The following GALNT17 variants were observed in gnomAD, a reference collection of about 807,000 sequenced individuals.
The protein encoded by GALNT17 is polypeptide N-acetylgalactosaminyltransferase 17, also known as UDP-GalNAc:polypeptide N-acetylgalactosaminyltransferase-like 3.
A neutral mutation model predicts 63.7 loss-of-function variants in GALNT17; 29 were observed. The ratio of observed to expected loss-of-function variants is 0.46; its 90% CI spans 0.34 to 0.62. The LOEUF is 0.62. Among genes scored for constraint, GALNT17 ranks in the 20% least tolerant of loss-of-function variants. The probability of loss-of-function intolerance (pLI) is 0.01; values close to 1 mark genes in which losing one functional copy is unlikely to be tolerated. For synonymous variants in GALNT17, 305 were observed against 318.3 expected (o/e 0.96, Z 0.45); for missense variants, 603 against 799.6 (o/e 0.75, Z 2.97).
intron 1 of GALNT17, among the ~76,000 whole-genome samples, chr7:71,181,924 C>G (rs1027868052): frequency 9.2e-5 from 14 of 151,800 alleles, no homozygotes; most frequent in African/African-American, 3.1e-4. Flanking sequence ...GCCTGTAGTC[C>G]CAGCACTTTG....
At chr7:71,366,194 C>G (rs1033156881) in intron 2 of GALNT17, among the ~76,000 whole-genome samples, 1 of 152,120 alleles carries the variant, frequency 6.6e-6, no homozygotes, top group Non-Finnish European at 1.5e-5. Flanking sequence ...TCCTGACGCT[C>G]ACCTCCTGCT....
At chr7:71,380,411 C>T (rs1792823057) in intron 2 of GALNT17, among the ~76,000 whole-genome samples, 1 of 152,102 alleles carries the variant, frequency 6.6e-6, no homozygotes, top group Admixed American at 6.6e-5. Flanking sequence ...TCATGGCCCC[C>T]AGCAGCCTTG....
chr7:71,314,274 C>T (rs745811691), intron 1 of GALNT17, among the ~76,000 whole-genome samples: 7 of 151,544 alleles, frequency 4.6e-5, no homozygotes, highest in African/African-American at 9.7e-5. Flanking sequence ...TGTGTGTGTC[C>T]GTGTCCATGA....
intron 5 of GALNT17, among the ~76,000 whole-genome samples, chr7:71,546,817 C>A (rs949433656): frequency 6.6e-6 from 1 of 152,094 alleles, no homozygotes; most frequent in Non-Finnish European, 1.5e-5. Flanking sequence ...AAATCTCAGA[C>A]CCTGGAAGTC....
chr7:71,154,631 C>T (rs544959564), intron 1 of GALNT17, among the ~76,000 whole-genome samples: 36 of 152,106 alleles, frequency 2.4e-4, no homozygotes, highest in Non-Finnish European at 4.1e-4. Flanking sequence ...GGCTGGAGTG[C>T]GGTGGCACGA....
chr7:71,592,294 C>T (rs141029790), intron 6 of GALNT17, among the ~76,000 whole-genome samples: 212 of 152,060 alleles, frequency 1.4e-3, no homozygotes, highest in African/African-American at 4.8e-3. Context: ...GTCTTTCTGG[C>T]GCCCACACTG....
intron 1 of GALNT17, among the ~76,000 whole-genome samples, chr7:71,304,259 G>A (rs6977328): frequency 0.68 from 103,282 of 152,090 alleles, 35,289 homozygotes; most frequent in Middle Eastern, 0.74. Context: ...CATTTACAAC[G>A]TGCCAGCATA....
intron 1 of GALNT17, among the ~76,000 whole-genome samples, chr7:71,304,446 A>G (rs1289027507): frequency 6.6e-6 from 1 of 152,188 alleles, no homozygotes; most frequent in Non-Finnish European, 1.5e-5. Context: ...GATCTTAAAT[A>G]CATTGTCAAG....
At chr7:71,275,831 C>G (rs562271801) in intron 1 of GALNT17, among the ~76,000 whole-genome samples, 1 of 152,250 alleles carries the variant, frequency 6.6e-6, no homozygotes, top group East Asian at 1.9e-4. Context: ...CTCCCTTCCC[C>G]ACAAGTTGTG....
chr7:71,288,661 T>TAA (rs1191959354), intron 1 of GALNT17, among the ~76,000 whole-genome samples: 4 of 152,136 alleles, frequency 2.6e-5, no homozygotes, highest in African/African-American at 7.2e-5. Context: ...ACCTTGCGTT[T>TAA]AGCTGGGTTC....
At chr7:71,372,631 A>T (rs1426550323) in intron 2 of GALNT17, among the ~76,000 whole-genome samples, 2 of 152,152 alleles carry the variant, frequency 1.3e-5, no homozygotes, top group Non-Finnish European at 2.9e-5. Context: ...TTTTAAAAAA[A>T]TTTTGTAGAG....
chr7:71,240,900 G>C (rs938888751), intron 1 of GALNT17, among the ~76,000 whole-genome samples: 1 of 152,054 alleles, frequency 6.6e-6, no homozygotes, highest in Non-Finnish European at 1.5e-5. Context: ...TCCTGACCTC[G>C]TGATCCGCCT....
chr7:71,712,659 T>G lies in GALNT17; in HGVS notation c.*513T>G, dbSNP rs1235785643. On this transcript the variant is annotated 3_prime_UTR_variant, in exon 11 of 11. Transcript: ENST00000333538. Reference sequence around the variant, plus strand: ...AGGTTACTTCTACCCAGATGACACCTGCCTGTTCACGCCCCAAGGCAGCTA... The same window carrying G: ...AGGTTACTTCTACCCAGATGACACCGGCCTGTTCACGCCCCAAGGCAGCTA... The G allele has an allele frequency of 6.5e-6, 1 of 154,950 alleles. No individual in the cohort carries two copies. The highest frequency in any genetic ancestry group is 2.0e-4 in the South Asian group (1 of 4,950). 9.6% of individuals were successfully genotyped at this position (154,950 alleles called of 1,614,324 possible). A position where few individuals can be genotyped will look rare whatever the true frequency, so the allele number is the denominator to read the frequency against.
rs557472286 is a variant in GALNT17 at position 71,257,308 on chromosome 7, A to G, written c.239-78242A>G. ...AAAAGTAATTAACCATCTGGAACAG[A>G]TTCATGCTTCCTATTAGTCAGGGTG... On this transcript the variant is annotated intron_variant, in intron 1 of 10. Coordinates refer to ENST00000333538, the MANE Select transcript of GALNT17 (RefSeq NM_022479.3). Among the ~76,000 whole-genome samples the G allele has an allele frequency of 5.4e-4, 82 of 152,296 alleles. 1 individual carries two copies. Among genetic ancestry groups the G allele is most frequent in the Non-Finnish European group, 1.0e-3 (71 of 68,036 alleles).
At chr7:71,173,646 A>G (rs1343331825) in intron 1 of GALNT17, among the ~76,000 whole-genome samples, 1 of 152,020 alleles carries the variant, frequency 6.6e-6, no homozygotes, top group African/African-American at 2.4e-5. Context: ...GGCGGTGCAC[A>G]CTTGTAATCC....
At chr7:71,167,680 ATGTTT>A (rs1313574967) in intron 1 of GALNT17, among the ~76,000 whole-genome samples, 1 of 151,908 alleles carries the variant, frequency 6.6e-6, no homozygotes, top group African/African-American at 2.4e-5. Context: ...GTGTTATTTT[ATGTTT>A]TGTTTTATTA....
chr7:71,576,919 T>C (rs1258662512), intron 6 of GALNT17, among the ~76,000 whole-genome samples: 1 of 152,176 alleles, frequency 6.6e-6, no homozygotes, highest in Non-Finnish European at 1.5e-5. Context: ...ATTCATATGT[T>C]CATCACAGTG....
chr7:71,467,074 C>T (rs969326209), intron 5 of GALNT17, among the ~76,000 whole-genome samples: 1 of 152,102 alleles, frequency 6.6e-6, no homozygotes, highest in Non-Finnish European at 1.5e-5. Flanking sequence ...TCTTCATGGC[C>T]TCTGACATTG....
chr7:71,640,116 T>C (rs566319010), intron 6 of GALNT17, among the ~76,000 whole-genome samples: 3 of 152,344 alleles, frequency 2.0e-5, no homozygotes, highest in African/African-American at 7.2e-5. Context: ...TGATTTCTCA[T>C]GGTTACTATT....
Sources: gnomAD v4.1 joint callset for allele counts (sites outside exome capture counted in the v4.1 genomes callset) on GRCh38, gnomAD v4.1.1 for gene constraint, MANE v1.5 for transcripts, NCBI Gene and HGNC (gene_info 2026-07-23, HGNC 2026-07-21) for gene names.